The following GLIS3 variants were observed in gnomAD, a reference collection of about 807,000 sequenced individuals.
The protein encoded by GLIS3 is zinc finger protein GLIS3.
A neutral mutation model predicts 78.6 loss-of-function variants in GLIS3; 53 were observed. The ratio of observed to expected loss-of-function variants is 0.67; its 90% CI spans 0.54 to 0.85. GLIS3 has a LOEUF of 0.85. Among genes scored for constraint, GLIS3 ranks in the 40% least tolerant of loss-of-function variants. The pLI is 0.00. For missense variants in GLIS3, 1,703 were observed against 1,231.1 expected (o/e 1.38, Z -5.74); for synonymous variants, 684 against 509.9 (o/e 1.34, Z -4.60).
intron 4 of GLIS3, among the ~76,000 whole-genome samples, chr9:4,081,660 C>T (rs1828561214): frequency 6.6e-6 from 1 of 152,184 alleles, no homozygotes; most frequent in African/African-American, 2.4e-5. Context: ...GTAATAGCAA[C>T]CAGCCTATCG....
At chr9:4,069,439 T>G (rs1016548152) in intron 4 of GLIS3, among the ~76,000 whole-genome samples, 1 of 152,198 alleles carries the variant, frequency 6.6e-6, no homozygotes, top group Non-Finnish European at 1.5e-5. Flanking sequence ...ATAAAATCAT[T>G]AATACATTTA....
chr9:4,054,483 C>T (rs1378873413), intron 4 of GLIS3: 1 of 985,256 alleles, frequency 1.0e-6, no homozygotes, highest in Non-Finnish European at 1.2e-6. Context: ...CAGTCAGGGC[C>T]TACGGGTTCT....
At chr9:4,356,816 C>T in the GLIS3 span, among the ~76,000 whole-genome samples, 1 of 152,096 alleles carries the variant, frequency 6.6e-6, no homozygotes, top group Non-Finnish European at 1.5e-5. Context: ...GATTACAAAG[C>T]CTTTTGGATG....
the GLIS3 span, among the ~76,000 whole-genome samples, chr9:4,442,167 A>G: frequency 6.6e-6 from 1 of 152,100 alleles, no homozygotes; most frequent in Non-Finnish European, 1.5e-5. Context: ...TTTCTTCACA[A>G]TTCAGTATTG....
the GLIS3 span, among the ~76,000 whole-genome samples, chr9:4,439,874 G>A: frequency 1.3e-5 from 2 of 152,198 alleles, no homozygotes; most frequent in East Asian, 1.9e-4. Flanking sequence ...GCAGAGAAAA[G>A]GTTTCACCCT....
chr9:4,406,273 A>C, the GLIS3 span, among the ~76,000 whole-genome samples: 4 of 152,238 alleles, frequency 2.6e-5, no homozygotes, highest in African/African-American at 9.6e-5. Flanking sequence ...CTGGAAAGGA[A>C]GAAGTCAAAT....
At chr9:4,463,696 A>C in the GLIS3 span, among the ~76,000 whole-genome samples, 1 of 152,200 alleles carries the variant, frequency 6.6e-6, no homozygotes, top group Non-Finnish European at 1.5e-5. Context: ...ACAGATAAAA[A>C]TGTTCCAGGT....
the GLIS3 span, among the ~76,000 whole-genome samples, chr9:4,479,568 C>T: frequency 6.6e-6 from 1 of 152,080 alleles, no homozygotes; most frequent in Admixed American, 6.6e-5. Flanking sequence ...GGTCACTCAC[C>T]CAGCCCATGA....
chr9:4,447,353 G>A, the GLIS3 span, among the ~76,000 whole-genome samples: 3 of 152,092 alleles, frequency 2.0e-5, no homozygotes, highest in Non-Finnish European at 4.4e-5. Context: ...CCTGATACAG[G>A]AGTGAGCCAC....
At chr9:4,089,643 C>T (rs940519437) in intron 4 of GLIS3, among the ~76,000 whole-genome samples, 1 of 151,782 alleles carries the variant, frequency 6.6e-6, no homozygotes, top group Non-Finnish European at 1.5e-5. Context: ...CTGGGCAAAC[C>T]CCATCTCTAC....
the GLIS3 span, among the ~76,000 whole-genome samples, chr9:4,375,853 A>C: frequency 2.0e-5 from 3 of 152,112 alleles, no homozygotes; most frequent in Non-Finnish European, 4.4e-5. Context: ...TCGTGATAGT[A>C]AGTCATTCCT....
intron 3 of GLIS3, among the ~76,000 whole-genome samples, chr9:4,119,324 G>T (rs1832007491): frequency 6.6e-6 from 1 of 152,140 alleles, no homozygotes; most frequent in Non-Finnish European, 1.5e-5. Context: ...CAGCCTTCAA[G>T]TAAAATCTAT....
intron 4 of GLIS3, among the ~76,000 whole-genome samples, chr9:3,962,518 C>A (rs556548322): frequency 6.6e-6 from 1 of 152,216 alleles, no homozygotes; most frequent in Non-Finnish European, 1.5e-5. Flanking sequence ...GTACATCTGG[C>A]AAAAGGATTA....
At chr9:4,158,527 G>T (rs1835212931) in intron 2 of GLIS3, among the ~76,000 whole-genome samples, 1 of 152,216 alleles carries the variant, frequency 6.6e-6, no homozygotes, top group African/African-American at 2.4e-5. Context: ...CAGCTCACAT[G>T]TCTTTTAAGA....
chr9:4,335,813 C>G (rs1173481444), intron 2 of GLIS3, among the ~76,000 whole-genome samples: 1 of 152,200 alleles, frequency 6.6e-6, no homozygotes, highest in Non-Finnish European at 1.5e-5. Context: ...GGTCCTTCCC[C>G]CATTGAACCA....
the GLIS3 span, among the ~76,000 whole-genome samples, chr9:4,405,153 G>C: frequency 6.6e-6 from 1 of 152,022 alleles, no homozygotes; most frequent in Non-Finnish European, 1.5e-5. Flanking sequence ...TTGGGAGTTC[G>C]AGATCAACCT....
chr9:4,425,886 A>C, the GLIS3 span, among the ~76,000 whole-genome samples: 2 of 152,310 alleles, frequency 1.3e-5, no homozygotes, highest in African/African-American at 4.8e-5. Context: ...TGACTTTTGC[A>C]CAACATTGGT....
At chr9:4,050,540 T>A (rs534512094) in intron 4 of GLIS3, among the ~76,000 whole-genome samples, 2 of 152,246 alleles carry the variant, frequency 1.3e-5, no homozygotes, top group East Asian at 3.9e-4. Flanking sequence ...GGCACATGTA[T>A]ACCCATGTAT....
chr9:4,077,641 AAT>A (rs1828189656), intron 4 of GLIS3, among the ~76,000 whole-genome samples: 1 of 152,068 alleles, frequency 6.6e-6, no homozygotes, highest in Admixed American at 6.6e-5. Flanking sequence ...GGAAATCTAC[AAT>A]ATTTCTCCTT....
Sources: allele counts gnomAD v4.1 joint callset (sites outside exome capture counted in the v4.1 genomes callset), GRCh38; gene constraint gnomAD v4.1.1; transcripts MANE v1.5; gene names NCBI Gene and HGNC (gene_info 2026-07-23, HGNC 2026-07-21).